The following GALNT13 variants were observed in gnomAD, a reference collection of about 807,000 sequenced individuals.
The protein encoded by GALNT13 is polypeptide N-acetylgalactosaminyltransferase 13, also known as UDP-GalNAc:polypeptide N-acetylgalactosaminyltransferase 13.
In GALNT13, 28 loss-of-function variants were observed where a neutral mutation model predicts 64.2. That is an observed-to-expected ratio of 0.44 (90% CI 0.32 to 0.60). The LOEUF (loss-of-function observed/expected upper bound fraction) is 0.60, where lower values mean the gene tolerates loss of function less well. Ranked by LOEUF, GALNT13 falls within the 20% of genes least tolerant of loss-of-function variation. The pLI, the probability that GALNT13 is intolerant of heterozygous loss-of-function variation, is 0.05. For missense variants in GALNT13, 577 were observed against 669.8 expected (o/e 0.86, Z 1.53); for synonymous variants, 214 against 224.6 (o/e 0.95, Z 0.42).
the GALNT13 span, among the ~76,000 whole-genome samples, chr2:153,186,361 T>C: frequency 6.6e-6 from 1 of 152,136 alleles, no homozygotes; most frequent in Non-Finnish European, 1.5e-5. Context: ...ACCCATGAAA[T>C]AGGTCTCTTG....
intron 3 of GALNT13, among the ~76,000 whole-genome samples, chr2:154,030,339 A>G (rs1698258455): frequency 6.6e-6 from 1 of 152,174 alleles, no homozygotes; most frequent in South Asian, 2.1e-4. Flanking sequence ...GTTATCAGAA[A>G]CAAGGCAAGT....
At chr2:153,584,582 G>A in the GALNT13 span, among the ~76,000 whole-genome samples, 3 of 152,150 alleles carry the variant, frequency 2.0e-5, no homozygotes, top group African/African-American at 7.2e-5. Flanking sequence ...ATGCCCAAAA[G>A]CCAACTCACT....
At chr2:153,829,315 C>T in the GALNT13 span, among the ~76,000 whole-genome samples, 1 of 151,980 alleles carries the variant, frequency 6.6e-6, no homozygotes, top group Admixed American at 6.5e-5. Context: ...GGGTTATTTA[C>T]AAAAGAAAGA....
At chr2:154,168,372 T>A (rs1685151799) in intron 4 of GALNT13, among the ~76,000 whole-genome samples, 2 of 152,224 alleles carry the variant, frequency 1.3e-5, no homozygotes, top group South Asian at 4.1e-4. Context: ...ACTTATTGGA[T>A]GAGATGCACC....
At chr2:153,948,039 T>C (rs1445749547) in intron 3 of GALNT13, among the ~76,000 whole-genome samples, 2 of 152,112 alleles carry the variant, frequency 1.3e-5, no homozygotes, top group Non-Finnish European at 2.9e-5. Context: ...CATTGGTCTA[T>C]ATGTCTGTTT....
At chr2:153,840,366 G>A in the GALNT13 span, among the ~76,000 whole-genome samples, 2 of 152,066 alleles carry the variant, frequency 1.3e-5, no homozygotes, top group African/African-American at 2.4e-5. Context: ...ATCATGGCAA[G>A]CATGATAGAC....
chr2:154,034,214 A>T (rs376525426), intron 3 of GALNT13, among the ~76,000 whole-genome samples: 29 of 152,220 alleles, frequency 1.9e-4, no homozygotes, highest in African/African-American at 7.0e-4. Context: ...AATTGGAAGC[A>T]ATTAACATGC....
chr2:154,154,550 G>T (rs1262816543), intron 4 of GALNT13, among the ~76,000 whole-genome samples: 1 of 152,146 alleles, frequency 6.6e-6, no homozygotes, highest in Non-Finnish European at 1.5e-5. Flanking sequence ...AGAGAAGCCT[G>T]AATTTAATAA....
the GALNT13 span, among the ~76,000 whole-genome samples, chr2:153,525,422 G>A: frequency 1.3e-5 from 2 of 152,168 alleles, no homozygotes; most frequent in African/African-American, 2.4e-5. Flanking sequence ...TGGCCACAGC[G>A]GGATAGAGCC....
At chr2:153,162,964 A>G in the GALNT13 span, among the ~76,000 whole-genome samples, 1 of 152,156 alleles carries the variant, frequency 6.6e-6, no homozygotes, top group East Asian at 1.9e-4. Context: ...TCTCAAGTCG[A>G]TTGAAAGTTG....
At chr2:153,915,138 T>C (rs1689242739) in intron 2 of GALNT13, among the ~76,000 whole-genome samples, 1 of 152,182 alleles carries the variant, frequency 6.6e-6, no homozygotes. Context: ...ACAAGAAAGT[T>C]ACCTGCCCAT....
chr2:154,095,951 A>G (rs928222217), intron 3 of GALNT13, among the ~76,000 whole-genome samples: 1 of 152,010 alleles, frequency 6.6e-6, no homozygotes, highest in East Asian at 1.9e-4. Flanking sequence ...CATCTATAAA[A>G]CATGGTCTTG....
Position 154,326,028 on chromosome 2 carries a change from C to T in GALNT13, c.1156+24439C>T, listed in dbSNP as rs145941643. ...ACCACTGTGCTCATCCCCTTGTATTCAGTATGTGTTGTCATCATCTGTGCT... is the reference window on the plus strand; with the variant it reads ...ACCACTGTGCTCATCCCCTTGTATTTAGTATGTGTTGTCATCATCTGTGCT... On this transcript the variant is annotated intron_variant, in intron 9 of 12. Coordinates refer to ENST00000392825, the MANE Select transcript of GALNT13 (RefSeq NM_052917.4). 4.6e-5 allele frequency among the ~76,000 whole-genome samples: 7 copies of T among 152,212 alleles called. No individual in the cohort carries two copies. The East Asian group carries it at 1.4e-3, about 30-fold the overall frequency.
At chr2:154,154,506 T>C (rs746516023) in intron 4 of GALNT13, among the ~76,000 whole-genome samples, 10 of 152,216 alleles carry the variant, frequency 6.6e-5, no homozygotes, top group Non-Finnish European at 1.3e-4. Context: ...GGAAGCGTTA[T>C]TCTTGCAGTA....
chr2:153,251,724 G>A, the GALNT13 span, among the ~76,000 whole-genome samples: 7 of 149,314 alleles, frequency 4.7e-5, no homozygotes, highest in African/African-American at 1.7e-4. Flanking sequence ...TGCGGTGTTT[G>A]GTTTTTTGTT....
the GALNT13 span, among the ~76,000 whole-genome samples, chr2:153,598,464 C>G: frequency 2.6e-5 from 4 of 152,104 alleles, no homozygotes; most frequent in African/African-American, 9.6e-5. Context: ...CTGTCTTACT[C>G]TTCTCCTGCT....
chr2:153,642,038 T>C, the GALNT13 span, among the ~76,000 whole-genome samples: 1 of 152,012 alleles, frequency 6.6e-6, no homozygotes, highest in East Asian at 1.9e-4. Flanking sequence ...TTTTCTATTA[T>C]CTTCAATAGA....
chr2:153,501,507 T>G, the GALNT13 span, among the ~76,000 whole-genome samples: 1 of 152,088 alleles, frequency 6.6e-6, no homozygotes, highest in African/African-American at 2.4e-5. Flanking sequence ...AATTTTTGTA[T>G]TTTTGGTAGA....
At chr2:153,293,593 C>G in the GALNT13 span, among the ~76,000 whole-genome samples, 3 of 152,202 alleles carry the variant, frequency 2.0e-5, no homozygotes, top group African/African-American at 7.2e-5. Flanking sequence ...GACTTCTGAC[C>G]TCCAGAATTG....
Sources: allele counts gnomAD v4.1 joint callset (sites outside exome capture counted in the v4.1 genomes callset), GRCh38; gene constraint gnomAD v4.1.1; transcripts MANE v1.5; gene names NCBI Gene and HGNC (gene_info 2026-07-23, HGNC 2026-07-21).